Variants in MTSS1 observed in about 807,000 individuals in gnomAD.
The protein encoded by MTSS1 is MTSS I-BAR domain containing 1.
Under a neutral mutation model 79.0 loss-of-function variants are expected in MTSS1, and 18 were observed. The ratio of observed to expected loss-of-function variants is 0.23; its 90% CI spans 0.16 to 0.34. The LOEUF (loss-of-function observed/expected upper bound fraction) is 0.34. Among genes scored for constraint, MTSS1 ranks in the 10% least tolerant of loss-of-function variants. The probability of loss-of-function intolerance (pLI) is 1.00; values close to 1 mark genes in which losing one functional copy is unlikely to be tolerated. For synonymous variants in MTSS1, 341 were observed against 368.6 expected (o/e 0.93, Z 0.86); for missense variants, 815 against 986.2 (o/e 0.83, Z 2.33).
At chr8:124,578,328 T>C (rs1476590629) in intron 6 of MTSS1, among the ~76,000 whole-genome samples, 2 of 152,142 alleles carry the variant, frequency 1.3e-5, no homozygotes, top group Non-Finnish European at 2.9e-5. Context: ...CTGATGCTCC[T>C]TTCTAAATGA....
chr8:124,599,874 T>C (rs1375493146), intron 3 of MTSS1, among the ~76,000 whole-genome samples: 1 of 152,120 alleles, frequency 6.6e-6, no homozygotes. Context: ...CAGAGACTCC[T>C]TACTATCGTC....
At chr8:124,721,060 G>A (rs1488150666) in intron 1 of MTSS1, among the ~76,000 whole-genome samples, 1 of 152,158 alleles carries the variant, frequency 6.6e-6, no homozygotes, top group Non-Finnish European at 1.5e-5. Flanking sequence ...GTAGCCAGCA[G>A]AAGGTAGAAG....
intron 3 of MTSS1, among the ~76,000 whole-genome samples, chr8:124,654,812 T>C (rs1563940078): frequency 6.6e-6 from 1 of 152,132 alleles, no homozygotes; most frequent in African/African-American, 2.4e-5. Flanking sequence ...TTTCCTTACA[T>C]TCCTCATCAG....
chr8:124,682,722 T>C (rs1449504096), intron 3 of MTSS1, among the ~76,000 whole-genome samples: 2 of 152,218 alleles, frequency 1.3e-5, no homozygotes, highest in South Asian at 2.1e-4. Flanking sequence ...CAGCAGCTCC[T>C]ACTTCAACGA....
chr8:124,576,709 C>T (rs1829026136), intron 6 of MTSS1, among the ~76,000 whole-genome samples: 1 of 152,182 alleles, frequency 6.6e-6, no homozygotes, highest in Non-Finnish European at 1.5e-5. Flanking sequence ...CTACAAAAAC[C>T]ATAAATGGCT....
chr8:124,726,351 A>G (rs7833290), intron 1 of MTSS1, among the ~76,000 whole-genome samples: 104,592 of 152,116 alleles, frequency 0.69, 36,510 homozygotes, highest in Admixed American at 0.78. Context: ...CTCCAGGACT[A>G]CAGTGGACAG....
At chr8:124,682,466 C>T (rs983564398) in intron 3 of MTSS1, among the ~76,000 whole-genome samples, 1 of 152,208 alleles carries the variant, frequency 6.6e-6, no homozygotes, top group African/African-American at 2.4e-5. Context: ...GTGTGAGGGG[C>T]GGCACAGAGA....
intron 3 of MTSS1, among the ~76,000 whole-genome samples, chr8:124,655,877 A>AGT (rs1206936651): frequency 6.6e-6 from 1 of 152,212 alleles, no homozygotes; most frequent in Non-Finnish European, 1.5e-5. Context: ...TAAAGTAAAG[A>AGT]GTGTGTTCCT....
chr8:124,624,930 T>A (rs1035619268), intron 3 of MTSS1, among the ~76,000 whole-genome samples: 1 of 152,218 alleles, frequency 6.6e-6, no homozygotes, highest in Admixed American at 6.5e-5. Flanking sequence ...CCTTGTTTCA[T>A]AGATAAATGT....
Position 124,727,676 on chromosome 8 carries a change from C to A in MTSS1, c.72+208G>T, listed in dbSNP as rs1461235429. The A allele has an allele frequency of 7.5e-6, 5 of 669,262 alleles. No homozygotes were observed. The highest frequency in any genetic ancestry group is 5.8e-5 in the East Asian group (2 of 34,278). 41.5% of individuals were successfully genotyped at this position (669,262 alleles called of 1,614,324 possible). A position where few individuals can be genotyped will look rare whatever the true frequency, so the allele number is the denominator to read the frequency against. ...GAGATGGCGTGGGACAGCAGACACC[C>A]CCCAGAGAAGCCACCCGCCCAGTGA... On this transcript the variant is annotated intron_variant, in intron 1 of 13. Transcript: ENST00000518547. This position sits in a 1 kb window ranked among gnomAD's most constrained non-coding sequence, Gnocchi z 4.7.
rs112626859 is a variant in MTSS1, at chr8:124,700,158, A to C, written c.135-559T>G. Reference sequence around the variant, plus strand: ...TGCCTCAAAAAAAAAAAGAAAAAAGAAACACCTACTACCAGGCAAAGTTTT... The same window carrying C: ...TGCCTCAAAAAAAAAAAGAAAAAAGCAACACCTACTACCAGGCAAAGTTTT... On this transcript the variant is annotated intron_variant, in intron 2 of 13. Coordinates refer to ENST00000518547, the MANE Select transcript of MTSS1 (RefSeq NM_014751.6). Among the ~76,000 whole-genome samples, 80 of 150,736 alleles carry C rather than the reference A, an allele frequency of 5.3e-4. 2 individuals are homozygous for C. Among genetic ancestry groups the C allele is most frequent in the African/African-American group, 1.8e-3 (73 of 41,494 alleles).
intron 3 of MTSS1, among the ~76,000 whole-genome samples, chr8:124,616,783 A>G (rs1263136554): frequency 6.6e-6 from 1 of 152,228 alleles, no homozygotes; most frequent in African/African-American, 2.4e-5. Flanking sequence ...CGAGGCACTC[A>G]CTTGTTGAAA....
intron 3 of MTSS1, among the ~76,000 whole-genome samples, chr8:124,644,814 T>C (rs1051760179): frequency 2.9e-5 from 4 of 136,004 alleles, no homozygotes; most frequent in Non-Finnish European, 6.0e-5. Flanking sequence ...ACCTAAGTCA[T>C]CCGATTATGA....
intron 1 of MTSS1, among the ~76,000 whole-genome samples, chr8:124,713,298 C>T (rs1396269913): frequency 6.6e-6 from 1 of 152,218 alleles, no homozygotes; most frequent in African/African-American, 2.4e-5. Context: ...GGGTGCTCTA[C>T]AACCACAGCT....
chr8:124,720,965 G>A (rs909934656), intron 1 of MTSS1, among the ~76,000 whole-genome samples: 10 of 152,122 alleles, frequency 6.6e-5, no homozygotes, highest in East Asian at 5.8e-4. Context: ...TAAATAACTC[G>A]CCCATGGGAT....
At chr8:124,720,449 G>A (rs1832740106) in intron 1 of MTSS1, among the ~76,000 whole-genome samples, 1 of 152,224 alleles carries the variant, frequency 6.6e-6, no homozygotes, top group Non-Finnish European at 1.5e-5. Flanking sequence ...AAAGGATGTA[G>A]ATGGGAAAAG....
intron 3 of MTSS1, among the ~76,000 whole-genome samples, chr8:124,613,963 A>G (rs1371777546): frequency 2.0e-5 from 3 of 152,102 alleles, no homozygotes; most frequent in Non-Finnish European, 4.4e-5. Flanking sequence ...GGAGTTCAAG[A>G]CCAGCTTGGA....
intron 3 of MTSS1, among the ~76,000 whole-genome samples, chr8:124,612,057 T>A (rs932474941): frequency 6.6e-6 from 1 of 151,932 alleles, no homozygotes; most frequent in Admixed American, 6.5e-5. Flanking sequence ...TAGCAAATAA[T>A]CTTAATGGTA....
At chr8:124,719,373 G>A (rs1468867677) in intron 1 of MTSS1, among the ~76,000 whole-genome samples, 1 of 152,196 alleles carries the variant, frequency 6.6e-6, no homozygotes, top group East Asian at 1.9e-4. Context: ...TTCCGAGCGA[G>A]GGTGTCACCC....
Sources: allele counts gnomAD v4.1 joint callset (sites outside exome capture counted in the v4.1 genomes callset), GRCh38; gene constraint gnomAD v4.1.1; non-coding constraint Gnocchi (gnomAD v3.1); transcripts MANE v1.5; gene names NCBI Gene and HGNC (gene_info 2026-07-23, HGNC 2026-07-21).